Variants in CDH12 observed in about 807,000 individuals in gnomAD.
CDH12 encodes cadherin-12.
A neutral mutation model predicts 74.1 loss-of-function variants in CDH12; 41 were observed. The observed-to-expected ratio is 0.55, with a 90% CI of 0.43 to 0.72. CDH12 has a LOEUF of 0.72. Ranked by LOEUF, CDH12 falls within the 30% of genes least tolerant of loss-of-function variation. The pLI is 0.00. For synonymous variants in CDH12, 399 were observed against 355.0 expected (o/e 1.12, Z -1.39); for missense variants, 945 against 977.2 (o/e 0.97, Z 0.44).
chr5:21,787,409 G>C lies in CDH12; in HGVS notation c.1257-3915C>G, dbSNP rs1305321063. ...AGGCTCAGGTGATCTTCAATGTTTT[G>C]TTTTTGTTTTTTGTTTTGCAATAAA... On this transcript the variant is annotated intron_variant, in intron 10 of 14. Transcript: ENST00000382254. Among the ~76,000 whole-genome samples, 5 of 78,800 alleles carry C rather than the reference G, an allele frequency of 6.3e-5. No homozygotes were observed. In the East Asian group the frequency reaches 9.2e-4, roughly 14 times the overall value. The allele number at this position is 78,800 out of a possible 152,430, so 51.7% of individuals were successfully genotyped here. A position where few individuals can be genotyped will look rare whatever the true frequency, so the allele number is the denominator to read the frequency against.
At chr5:21,842,098 C>A in intron 8 of CDH12, 63 bp downstream of exon 8, 1 of 1,249,872 alleles carries the variant, frequency 8.0e-7, no homozygotes. Flanking sequence ...CCATAGCATT[C>A]AATGACACCA....
intron 6 of CDH12, among the ~76,000 whole-genome samples, chr5:21,971,342 C>T (rs1756845586): frequency 6.6e-6 from 1 of 151,750 alleles, no homozygotes; most frequent in African/African-American, 2.4e-5. Context: ...ATTAAGTTTT[C>T]ACATTAAAAA....
chr5:22,308,809 A>AACACATAC (rs1554030189), intron 3 of CDH12, among the ~76,000 whole-genome samples: 5,769 of 85,292 alleles, frequency 0.068, 272 homozygotes, highest in South Asian at 0.13. Flanking sequence ...CAAATACACA[A>AACACATAC]ACACACACAC....
chr5:22,719,620 G>A (rs1295426105), intron 1 of CDH12, among the ~76,000 whole-genome samples: 1 of 152,042 alleles, frequency 6.6e-6, no homozygotes, highest in African/African-American at 2.4e-5. Context: ...TCCTCCATGT[G>A]GGCCATAATT....
chr5:22,608,321 A>C (rs1050910080), intron 1 of CDH12, among the ~76,000 whole-genome samples: 1 of 152,212 alleles, frequency 6.6e-6, no homozygotes, highest in Non-Finnish European at 1.5e-5. Flanking sequence ...TTAATGTTTA[A>C]TGACCACTCT....
chr5:22,314,679 A>G (rs1738536429), intron 3 of CDH12, among the ~76,000 whole-genome samples: 1 of 152,168 alleles, frequency 6.6e-6, no homozygotes, highest in Admixed American at 6.6e-5. Flanking sequence ...AGGGCGCTAC[A>G]CAAGGTAAAG....
At chr5:21,985,328 T>A (rs1050008552) in intron 5 of CDH12, among the ~76,000 whole-genome samples, 1 of 152,106 alleles carries the variant, frequency 6.6e-6, no homozygotes, top group Non-Finnish European at 1.5e-5. Context: ...AGCAATCACA[T>A]AAAGGTCTGT....
At chr5:22,540,740 T>G (rs1339000371) in intron 1 of CDH12, among the ~76,000 whole-genome samples, 4 of 152,198 alleles carry the variant, frequency 2.6e-5, no homozygotes, top group Non-Finnish European at 1.5e-5. Context: ...CCCCTGCATC[T>G]GTTCACCCAG....
At chr5:21,765,823 G>A (rs1482186906) in intron 11 of CDH12, among the ~76,000 whole-genome samples, 1 of 151,960 alleles carries the variant, frequency 6.6e-6, no homozygotes, top group Non-Finnish European at 1.5e-5. Flanking sequence ...GTCATTTACG[G>A]AATAAAACTA....
chr5:22,146,598 G>A (rs1191066047), intron 4 of CDH12, among the ~76,000 whole-genome samples: 1 of 152,046 alleles, frequency 6.6e-6, no homozygotes, highest in East Asian at 1.9e-4. Flanking sequence ...ACAGAGGGAA[G>A]GAGCATTGTA....
rs773814944 is a variant in CDH12 at position 22,463,278 on chromosome 5, C to T, written c.-428+41992G>A. ...CTTCTGAATAGGATTTTTTTGACAA[C>T]GTACATATGAAACAATCAATGATTT... On this transcript the variant is annotated intron_variant, in intron 2 of 14. Coordinates refer to ENST00000382254, the MANE Select transcript of CDH12 (RefSeq NM_004061.5). Among the ~76,000 whole-genome samples, 109 of 152,072 alleles carry T rather than the reference C, an allele frequency of 7.2e-4. 2 individuals carry two copies. Among genetic ancestry groups the T allele is most frequent in the Middle Eastern group, 3.4e-3 (1 of 294 alleles).
At chr5:22,459,593 A>G (rs1745419642) in intron 2 of CDH12, among the ~76,000 whole-genome samples, 1 of 152,230 alleles carries the variant, frequency 6.6e-6, no homozygotes, top group South Asian at 2.1e-4. Flanking sequence ...TGACTTTGCC[A>G]TAGCAGTATA....
rs185872943 is a variant in CDH12, at chr5:22,336,481, G to T, written c.-333+68776C>A. On this transcript the variant is annotated intron_variant, in intron 3 of 14. Coordinates refer to ENST00000382254, the MANE Select transcript of CDH12 (RefSeq NM_004061.5). ...GCCTAGGAAGAAAAAAAGGTTTCAT[G>T]GGCCAGGCCCAGGGTCCTTGTGCTG... Among the ~76,000 whole-genome samples the T allele has an allele frequency of 5.4e-4, 82 of 152,294 alleles. 2 individuals are homozygous for T. The East Asian group carries it at 0.012, about 22-fold the overall frequency.
chr5:22,183,758 A>C (rs574322518), intron 4 of CDH12, among the ~76,000 whole-genome samples: 2 of 152,282 alleles, frequency 1.3e-5, no homozygotes, highest in South Asian at 4.1e-4. Context: ...TTACGAGCTA[A>C]ACAGAATTGA....
chr5:22,588,141 A>T (rs1740508460), intron 1 of CDH12, among the ~76,000 whole-genome samples: 1 of 151,392 alleles, frequency 6.6e-6, no homozygotes, highest in Non-Finnish European at 1.5e-5. Flanking sequence ...AGGACCATTT[A>T]TTCTATTAGG....
chr5:22,655,039 C>T (rs1185382737), intron 1 of CDH12, among the ~76,000 whole-genome samples: 1 of 152,178 alleles, frequency 6.6e-6, no homozygotes, highest in Non-Finnish European at 1.5e-5. Flanking sequence ...AACTTATCTA[C>T]CCTCACTTCC....
chr5:21,793,010 T>C (rs917100459), intron 10 of CDH12, among the ~76,000 whole-genome samples: 6 of 151,792 alleles, frequency 4.0e-5, no homozygotes, highest in African/African-American at 1.4e-4. Context: ...TGCTTAGAAG[T>C]ATCTTTGACT....
chr5:22,149,763 C>T (rs1012880915), intron 4 of CDH12, among the ~76,000 whole-genome samples: 13 of 151,974 alleles, frequency 8.6e-5, no homozygotes, highest in East Asian at 3.9e-4. Context: ...TGAGCCACCA[C>T]GTCTGGGTGG....
At chr5:22,290,423 G>A (rs545418316) in intron 3 of CDH12, among the ~76,000 whole-genome samples, 1 of 152,070 alleles carries the variant, frequency 6.6e-6, no homozygotes, top group Non-Finnish European at 1.5e-5. Flanking sequence ...TGACCAAAAC[G>A]AGATATTTAA....
Sources: gnomAD v4.1 joint callset for allele counts (sites outside exome capture counted in the v4.1 genomes callset) on GRCh38, gnomAD v4.1.1 for gene constraint, MANE v1.5 for transcripts, NCBI Gene and HGNC (gene_info 2026-07-23, HGNC 2026-07-21) for gene names.